SLC7A7: variants seen among roughly 807,000 people sequenced by gnomAD.
SLC7A7 encodes the protein solute carrier family 7 member 7, also known as Y+L amino acid transporter 1.
SLC7A7 carries 39 observed loss-of-function variants against 47.9 expected under a neutral mutation model. That is an observed-to-expected ratio of 0.81 (90% CI 0.63 to 1.06). The LOEUF (loss-of-function observed/expected upper bound fraction) is 1.06, where lower values mean the gene tolerates loss of function less well. Ranked by LOEUF, SLC7A7 falls within the 50% of genes least tolerant of loss-of-function variation. SLC7A7 has a pLI of 0.00. For missense variants in SLC7A7, 588 were observed against 632.0 expected (o/e 0.93, Z 0.75); for synonymous variants, 234 against 242.8 (o/e 0.96, Z 0.34).
intron 2 of SLC7A7, among the ~76,000 whole-genome samples, chr14:22,807,962 G>T (rs1240730980): frequency 6.6e-6 from 1 of 152,146 alleles, no homozygotes; most frequent in Non-Finnish European, 1.5e-5. Flanking sequence ...AGGAGTTCGA[G>T]ACCAGCCTGG....
intron 2 of SLC7A7, among the ~76,000 whole-genome samples, chr14:22,806,422 C>T (rs17211950): frequency 0.54 from 81,922 of 150,980 alleles, 24,173 homozygotes; most frequent in East Asian, 0.8. Context: ...TTTAGGTAAG[C>T]GTGACTCAAC....
chr14:22,797,160 C>T (rs185497395), intron 2 of SLC7A7, among the ~76,000 whole-genome samples: 1 of 152,238 alleles, frequency 6.6e-6, no homozygotes, highest in African/African-American at 2.4e-5. Flanking sequence ...ACATCCATTC[C>T]ACCACACCAC....
Position 22,792,187 on chromosome 14 carries a change from A to C in SLC7A7, c.500-12136T>G, listed in dbSNP as rs1259003782. Among the ~76,000 whole-genome samples, 5 of 152,128 alleles carry C rather than the reference A, an allele frequency of 3.3e-5. No homozygotes were observed. The East Asian group carries it at 9.7e-4, about 29-fold the overall frequency. On this transcript the variant is annotated intron_variant, in intron 2 of 9. Transcript: ENST00000674313. ...AATTTCACCCTGGCTTCTTTGATAC[A>C]TTATTTCTTCCACTCTCCCTAGGTG...
At chr14:22,790,477 T>G (rs2038905511) in intron 2 of SLC7A7, among the ~76,000 whole-genome samples, 1 of 152,038 alleles carries the variant, frequency 6.6e-6, no homozygotes, top group Non-Finnish European at 1.5e-5. Context: ...GTACTGAAAT[T>G]TCCCTCTCAC....
intron 2 of SLC7A7, among the ~76,000 whole-genome samples, chr14:22,799,635 A>C (rs892190142): frequency 6.6e-6 from 1 of 151,258 alleles, no homozygotes; most frequent in African/African-American, 2.4e-5. Flanking sequence ...TTGTATTTTT[A>C]GTAGAGACAG....
chr14:22,784,968 C>T (rs61974192), intron 2 of SLC7A7, among the ~76,000 whole-genome samples: 4,704 of 152,272 alleles, frequency 0.031, 274 homozygotes, highest in East Asian at 0.29. Context: ...CCATGCCCGG[C>T]GTCATTCCAT....
chr14:22,805,305 C>T (rs918067972), intron 2 of SLC7A7, among the ~76,000 whole-genome samples: 2 of 152,186 alleles, frequency 1.3e-5, no homozygotes, highest in Non-Finnish European at 2.9e-5. Context: ...GCAGAGGTTG[C>T]AGTTAGCCAA....
At chr14:22,806,895 CTTT>C (rs397852982) in intron 2 of SLC7A7, among the ~76,000 whole-genome samples, 2 of 123,620 alleles carry the variant, frequency 1.6e-5, no homozygotes, top group Non-Finnish European at 1.6e-5. Flanking sequence ...CCACTGTTAA[CTTT>C]TTTTTTTTTT....
rs1223020557 is a variant in SLC7A7 at position 22,786,262 on chromosome 14, G to T, written c.500-6211C>A. Among the ~76,000 whole-genome samples the T allele has an allele frequency of 2.0e-5, 3 of 152,120 alleles. No individual in the cohort carries two copies. In the East Asian group the frequency reaches 5.8e-4, roughly 29 times the overall value. ...GAACCCGGGAGGCAGAGGTTGCAGT[G>T]GGCCGAGATCACGGCACTGCACTCC... On this transcript the variant is annotated intron_variant, in intron 2 of 9. Transcript: ENST00000674313.
chr14:22,777,142 T>TAAA lies in SLC7A7; in HGVS notation c.771-827_771-825dup, dbSNP rs35326556. 3.7e-4 allele frequency among the ~76,000 whole-genome samples: 24 copies of TAAA among 64,116 alleles called. No individual in the cohort carries two copies. In the East Asian group the frequency reaches 5.7e-3, roughly 15 times the overall value. The allele number at this position is 64,116 out of a possible 152,430, so 42.1% of individuals were successfully genotyped here. On this transcript the variant is annotated intron_variant, in intron 4 of 9. Transcript: ENST00000674313. ...CTGGGCAAGGCAGCCAGACCCTGTC[T>TAAA]AAAAAAAAAAAAAAAAAAAAAAAAG...
chr14:22,804,566 C>T (rs1211111797), intron 2 of SLC7A7, among the ~76,000 whole-genome samples: 1 of 152,092 alleles, frequency 6.6e-6, no homozygotes, highest in Admixed American at 6.6e-5. Context: ...CATGAACAAA[C>T]ACTTCTCAAA....
chr14:22,807,899 T>C (rs2039239912), intron 2 of SLC7A7, among the ~76,000 whole-genome samples: 1 of 152,170 alleles, frequency 6.6e-6, no homozygotes, highest in Non-Finnish European at 1.5e-5. Context: ...TGGTAGCTCA[T>C]GCCTGTAGTC....
intron 2 of SLC7A7, among the ~76,000 whole-genome samples, chr14:22,808,908 A>T (rs1384311503): frequency 6.6e-6 from 1 of 152,232 alleles, no homozygotes; most frequent in Non-Finnish European, 1.5e-5. Flanking sequence ...AATTTGAAAC[A>T]TAATTCATAA....
intron 6 of SLC7A7, 122 bp downstream of exon 6, chr14:22,775,708 AAAC>A (rs2038588996): frequency 3.2e-6 from 3 of 931,950 alleles, no homozygotes; most frequent in Middle Eastern, 2.3e-4. Flanking sequence ...CTTCTGCTAG[AAAC>A]AAGAAGAAAG....
At chr14:22,799,448 C>CTTTTTTTTTTTTTTTT (rs56375225) in intron 2 of SLC7A7, among the ~76,000 whole-genome samples, 57 of 76,172 alleles carry the variant, frequency 7.5e-4, no homozygotes, top group East Asian at 9.9e-4. Flanking sequence ...TTTTTTCTTT[C>CTTTTTTTTTTTTTTTT]TTTTTTTTTT....
upstream of SLC7A7, among the ~76,000 whole-genome samples, chr14:22,817,769 T>C (rs1566467234): frequency 6.6e-6 from 1 of 152,154 alleles, no homozygotes; most frequent in African/African-American, 2.4e-5. Flanking sequence ...GAGCCACCGA[T>C]GCCACCTTAG....
At chr14:22,777,505 G>C (rs1566441626) in intron 4 of SLC7A7, among the ~76,000 whole-genome samples, 2 of 152,068 alleles carry the variant, frequency 1.3e-5, no homozygotes, top group African/African-American at 4.8e-5. Context: ...GATGCAAAGA[G>C]CTCTCAAGGT....
At chr14:22,788,948 A>G (rs2038875067) in intron 2 of SLC7A7, among the ~76,000 whole-genome samples, 1 of 152,168 alleles carries the variant, frequency 6.6e-6, no homozygotes, top group Non-Finnish European at 1.5e-5. Context: ...ACATGTGCTC[A>G]ACTAGTGACA....
In SLC7A7 at chr14:22,812,978, T is replaced by A. The variant is rs1433081801; in HGVS notation, c.421A>T (p.Asn141Tyr). ...GGGAAGAGAGGCTGTACCATGTAGT[T>A]GGCAAAGGTGATGGCAATGATGGCC... ...SQAIIAITFA[N>Y]YMVQPLFPSC... The change falls in exon 2 of 10, where the codon AAC (asparagine) becomes TAC (tyrosine). Residue 141 changes from asparagine (N) to tyrosine (Y), a missense_variant. Asn to Tyr is a moderately radical substitution (Grantham distance 143). Transcript: ENST00000674313. 4 of 1,613,746 alleles carry A rather than the reference T, an allele frequency of 2.5e-6. No individual in the cohort carries two copies. Among genetic ancestry groups the A allele is most frequent in the Non-Finnish European group, 3.4e-6 (4 of 1,179,996 alleles).
Sources: gnomAD v4.1 joint callset for allele counts (sites outside exome capture counted in the v4.1 genomes callset) on GRCh38, gnomAD v4.1.1 for gene constraint, MANE v1.5 for transcripts, NCBI Gene and HGNC (gene_info 2026-07-23, HGNC 2026-07-21) for gene names.